Variants in FNDC3B observed in about 807,000 individuals in gnomAD.
FNDC3B encodes fibronectin type III domain containing 3B.
In FNDC3B, 12 loss-of-function variants were observed where a neutral mutation model predicts 151.5. The observed-to-expected ratio is 0.08, with a 90% CI of 0.05 to 0.13. The LOEUF (loss-of-function observed/expected upper bound fraction) is 0.13. FNDC3B is among the 10% of genes least tolerant of loss of function. The pLI is 1.00. For synonymous variants in FNDC3B, 528 were observed against 549.0 expected (o/e 0.96, Z 0.54); for missense variants, 1,214 against 1,505.3 (o/e 0.81, Z 3.20).
chr3:172,082,527 A>T (rs1158763478), intron 1 of FNDC3B, among the ~76,000 whole-genome samples: 5 of 114,398 alleles, frequency 4.4e-5, no homozygotes, highest in Non-Finnish European at 7.5e-5. Context: ...TCATCCTGAG[A>T]GGACATCTAG....
chr3:172,147,772 A>T (rs915200769), intron 3 of FNDC3B, among the ~76,000 whole-genome samples: 1 of 152,048 alleles, frequency 6.6e-6, no homozygotes, highest in Non-Finnish European at 1.5e-5. Context: ...ATGGAGGTGG[A>T]GATCGTCGGG....
At chr3:172,248,051 T>G (rs1249456378) in intron 5 of FNDC3B, among the ~76,000 whole-genome samples, 1 of 152,200 alleles carries the variant, frequency 6.6e-6, no homozygotes, top group African/African-American at 2.4e-5. Context: ...CACCTTTTAT[T>G]TTAGAAAAGT....
At chr3:172,322,976 G>C (rs995753275) in intron 11 of FNDC3B, among the ~76,000 whole-genome samples, 3 of 152,162 alleles carry the variant, frequency 2.0e-5, no homozygotes, top group African/African-American at 7.2e-5. Context: ...AAGCAGGATC[G>C]TGTATTCTGT....
At chr3:172,281,257 A>ATT (rs754348996) in intron 6 of FNDC3B, among the ~76,000 whole-genome samples, 1 of 132,680 alleles carries the variant, frequency 7.5e-6, no homozygotes. Context: ...TTATTTATTT[A>ATT]TATTTTGAGA....
intron 4 of FNDC3B, among the ~76,000 whole-genome samples, chr3:172,238,630 G>T (rs1727292700): frequency 6.6e-6 from 1 of 152,174 alleles, no homozygotes. Context: ...ATTGGCTAGG[G>T]TGGGTACAGA....
At chr3:172,243,198 GC>G (rs1727587749) in intron 4 of FNDC3B, among the ~76,000 whole-genome samples, 2 of 152,138 alleles carry the variant, frequency 1.3e-5, no homozygotes, top group African/African-American at 4.8e-5. Context: ...ACATTTTCCT[GC>G]CTTCTTCTGA....
intron 3 of FNDC3B, among the ~76,000 whole-genome samples, chr3:172,209,291 G>A (rs1039300349): frequency 9.2e-5 from 14 of 152,176 alleles, no homozygotes; most frequent in African/African-American, 3.4e-4. Context: ...AGCCCCTTTA[G>A]CTGCCGCCCA....
intron 1 of FNDC3B, among the ~76,000 whole-genome samples, chr3:172,054,804 G>A (rs1377023697): frequency 6.6e-6 from 1 of 152,106 alleles, no homozygotes; most frequent in Non-Finnish European, 1.5e-5. Flanking sequence ...TGGAGGCTGG[G>A]GAAGCCTTTG....
chr3:172,112,078 T>C (rs573076805), intron 1 of FNDC3B, among the ~76,000 whole-genome samples: 2 of 152,366 alleles, frequency 1.3e-5, no homozygotes, highest in African/African-American at 4.8e-5. Flanking sequence ...CAGATACCAC[T>C]ATGGGATGAA....
Position 172,195,134 on chromosome 3 carries a change from C to A in FNDC3B, c.188-31737C>A, listed in dbSNP as rs114265911. Among the ~76,000 whole-genome samples the A allele has an allele frequency of 3.3e-3, 495 of 152,120 alleles. 3 individuals carry two copies. The highest frequency in any genetic ancestry group is 4.7e-3 in the Non-Finnish European group (322 of 67,976). On this transcript the variant is annotated intron_variant, in intron 3 of 25. Transcript: ENST00000415807. ...AAAAGTTTGATCTTGAGATAAAAACCTATTTTTACTAGTATTTTTACTAGT... is the reference window on the plus strand; with the variant it reads ...AAAAGTTTGATCTTGAGATAAAAACATATTTTTACTAGTATTTTTACTAGT...
chr3:172,309,110 C>T (rs1731337792), intron 10 of FNDC3B, among the ~76,000 whole-genome samples: 1 of 152,180 alleles, frequency 6.6e-6, no homozygotes, highest in Admixed American at 6.5e-5. Context: ...AAATCAGAAA[C>T]ATACTCTTGT....
At chr3:172,188,753 A>T (rs1196585560) in intron 3 of FNDC3B, among the ~76,000 whole-genome samples, 1 of 152,116 alleles carries the variant, frequency 6.6e-6, no homozygotes, top group African/African-American at 2.4e-5. Context: ...TGAAATGTAC[A>T]CTGAGCACAC....
intron 6 of FNDC3B, among the ~76,000 whole-genome samples, chr3:172,284,244 A>G (rs1160216609): frequency 2.6e-5 from 4 of 152,174 alleles, no homozygotes; most frequent in East Asian, 1.9e-4. Flanking sequence ...ATGGCCCACA[A>G]ACTAAGAGGT....
At chr3:172,350,570 A>G (rs1733808694) in intron 21 of FNDC3B, among the ~76,000 whole-genome samples, 1 of 152,250 alleles carries the variant, frequency 6.6e-6, no homozygotes, top group African/African-American at 2.4e-5. Context: ...AATGAAACAG[A>G]AGTGGGTATG....
chr3:172,215,295 T>C (rs1414669261), intron 3 of FNDC3B, among the ~76,000 whole-genome samples: 1 of 152,258 alleles, frequency 6.6e-6, no homozygotes, highest in Non-Finnish European at 1.5e-5. Context: ...GAAGAGGGCC[T>C]TGTGGCCAGG....
At chr3:172,273,179 A>G (rs1244424679) in intron 6 of FNDC3B, among the ~76,000 whole-genome samples, 3 of 152,232 alleles carry the variant, frequency 2.0e-5, no homozygotes, top group African/African-American at 7.2e-5. Flanking sequence ...TAACAGCACA[A>G]TAAGTAGGAA....
At chr3:172,128,207 A>G (rs1331501318) in intron 2 of FNDC3B, among the ~76,000 whole-genome samples, 1 of 152,090 alleles carries the variant, frequency 6.6e-6, no homozygotes, top group African/African-American at 2.4e-5. Flanking sequence ...TTATTTTTCA[A>G]TCAGCTTTGG....
In FNDC3B at chr3:172,163,154, C is replaced by T. The variant is rs1722860536; in HGVS notation, c.187+29608C>T. On this transcript the variant is annotated intron_variant, in intron 3 of 25. Transcript: ENST00000415807. ...GGCATGATGGTGCACACCTGTAGTC[C>T]TAGCTACTTGGGAGGCTGAGATGAG... Among the ~76,000 whole-genome samples the T allele has an allele frequency of 2.0e-5, 3 of 151,996 alleles. No homozygotes were observed. In the South Asian group the frequency reaches 6.2e-4, roughly 32 times the overall value.
intron 3 of FNDC3B, among the ~76,000 whole-genome samples, chr3:172,180,327 T>C (rs1205488008): frequency 6.6e-6 from 1 of 152,232 alleles, no homozygotes; most frequent in Non-Finnish European, 1.5e-5. Context: ...CTCTGGGCTC[T>C]GCATTTTAAT....
Sources: allele counts gnomAD v4.1 joint callset (sites outside exome capture counted in the v4.1 genomes callset), GRCh38; gene constraint gnomAD v4.1.1; transcripts MANE v1.5; gene names NCBI Gene and HGNC (gene_info 2026-07-23, HGNC 2026-07-21).